The following LCMT2 variants were observed in gnomAD, a reference collection of about 807,000 sequenced individuals.
LCMT2 encodes tRNA wybutosine-synthesizing protein 4.
LCMT2 carries 34 observed loss-of-function variants against 42.0 expected under a neutral mutation model. The ratio of observed to expected loss-of-function variants is 0.81; its 90% CI spans 0.62 to 1.08. The LOEUF is 1.08. Ranked by LOEUF, LCMT2 falls within the 50% of genes least tolerant of loss-of-function variation. The pLI is 0.00. For missense variants in LCMT2, 1,091 were observed against 889.4 expected, an observed-to-expected ratio of 1.23 and a Z score of -2.88; for synonymous variants, 445 against 369.5, an observed-to-expected ratio of 1.20 and a Z score of -2.34.
chr15:43,330,326 C>T lies in LCMT2; in HGVS notation c.164G>A (p.Gly55Asp). The change falls in exon 1 of 1, where the codon GGC (glycine) becomes GAC (aspartate). Residue 55 changes from glycine (G) to aspartate (D), a missense_variant. By Grantham distance (94) the Gly-to-Asp change is moderately conservative. Transcript: ENST00000305641. ...CACGGCGCGTGCGCGGACGTAGTAG[C>T]CTCGGTGAATGAGCGGTGCGCGGCG... Reference protein sequence around the residue: ...AARRAPLIHRGYYVRARAVRH... With the variant: ...AARRAPLIHRDYYVRARAVRH... 6.2e-7 allele frequency: 1 copy of T among 1,602,614 alleles called. No individual in the cohort carries two copies.
Position 43,330,502 on chromosome 15 carries a change from C to T in LCMT2, c.-13G>A. On this transcript the variant is annotated 5_prime_UTR_variant, in exon 1 of 1. Transcript: ENST00000305641. ...TCCGGGGGCCCATGGCCAGAAGAGA[C>T]TCAGGAATGGCAGTCTGTCACGGTT... 6.6e-7 allele frequency: 1 copy of T among 1,513,762 alleles called. No homozygotes were observed. Among genetic ancestry groups the T allele is most frequent in the Admixed American group, 2.4e-5 (1 of 42,390 alleles). 93.8% of individuals were successfully genotyped at this position (1,513,762 alleles called of 1,614,324 possible).
rs779338392 is a variant in LCMT2, at chr15:43,329,418, A to C, written c.1072T>G (p.Tyr358Asp). The change falls in exon 1 of 1, where the codon TAT becomes GAT. Residue 358 changes from tyrosine (Y) to aspartate (D), a missense_variant. Coordinates refer to ENST00000305641, the MANE Select transcript of LCMT2 (RefSeq NM_014793.5). ...CTCAAGAAGACAGAGGCGTGGCCAT[A>C]TCTCTTCAGGTTTGGGACCTGGCCC... ...SEGQVPNLKR[Y>D]GHASVFLSPD... 17 of 1,613,992 alleles carry C rather than the reference A, an allele frequency of 1.1e-5. No individual in the cohort carries two copies. The highest frequency in any genetic ancestry group is 1.7e-5 in the Admixed American group (1 of 60,012).
At position 43,327,835 on chromosome 15, in the gene LCMT2, T is replaced by C. The variant is rs952460708; in HGVS notation, c.*594A>G. The stretch of plus-strand genomic sequence containing the variant: ...TAAATCTAAATAAATATGGAACCAA[T>C]AGCAAAACATTTAAAAAGTATGTTG... On this transcript the variant is annotated 3_prime_UTR_variant, in exon 1 of 1. Coordinates refer to ENST00000305641, the MANE Select transcript of LCMT2 (RefSeq NM_014793.5). The C allele has an allele frequency of 1.3e-5, 2 of 153,254 alleles. No homozygotes were observed. The highest frequency in any genetic ancestry group is 4.8e-5 in the African/African-American group (2 of 41,444). The allele number at this position is 153,254 out of a possible 1,614,324, so 9.5% of individuals were successfully genotyped here. A position where few individuals can be genotyped will look rare whatever the true frequency, so the allele number is the denominator to read the frequency against.
rs556701152 is a variant in LCMT2, at chr15:43,328,889, C to T, written c.1601G>A (p.Arg534Gln). Reference protein sequence around the residue: ...IPVEGEVPEARHSHSACTWQG... With the variant: ...IPVEGEVPEAQHSHSACTWQG... Reference sequence around the variant, plus strand: ...CCAAGTGCAGGCACTGTGAGAATGCCGGGCTTCAGGTACTTCTCCCTCCAC... The same window carrying T: ...CCAAGTGCAGGCACTGTGAGAATGCTGGGCTTCAGGTACTTCTCCCTCCAC... Residue 534 changes from arginine (R) to glutamine (Q), a missense_variant, in exon 1 of 1, where the codon CGG (arginine) becomes CAG (glutamine). By Grantham distance (43) the Arg-to-Gln change is conservative (BLOSUM62 1). Coordinates refer to ENST00000305641, the MANE Select transcript of LCMT2 (RefSeq NM_014793.5). 7 of 1,613,908 alleles carry T rather than the reference C, an allele frequency of 4.3e-6. No homozygotes were observed. The highest frequency in any genetic ancestry group is 1.3e-5 in the African/African-American group (1 of 75,024).
chr15:43,323,786 C>A lies in LCMT2; in HGVS notation c.*4643G>T, dbSNP rs1241867702. On this transcript the variant is annotated 3_prime_UTR_variant, in exon 1 of 1. Transcript: ENST00000305641. ...GGTTCTTTAAAATTTTAATGCTTAC[C>A]TCCCCCTGACACACACACATACACA... The A allele has an allele frequency of 6.6e-6, 1 of 152,132 alleles. No homozygotes were observed. The highest frequency in any genetic ancestry group is 1.5e-5 in the Non-Finnish European group (1 of 68,020). 9.4% of individuals were successfully genotyped at this position (152,132 alleles called of 1,614,324 possible).
Position 43,328,926 on chromosome 15 carries a change from C to T in LCMT2, c.1564G>A (p.Val522Ile). ...ACTTCTCCCTCCACTGGGATCCTGACCCAAGCCATTGTCCCTACATGGAGG... is the reference window on the plus strand; with the variant it reads ...ACTTCTCCCTCCACTGGGATCCTGATCCAAGCCATTGTCCCTACATGGAGG... ...HFLHVGTMAW[V>I]RIPVEGEVPE... is the part of the protein sequence containing the mutation. Residue 522 changes from valine to isoleucine, a missense_variant, in exon 1 of 1, where the codon GTC becomes ATC. Val to Ile is a conservative substitution (Grantham distance 29). Coordinates refer to ENST00000305641, the MANE Select transcript of LCMT2 (RefSeq NM_014793.5). The T allele has an allele frequency of 1.9e-6, 3 of 1,614,130 alleles. No homozygotes were observed. The highest frequency in any genetic ancestry group is 1.1e-5 in the South Asian group (1 of 91,078).
rs778247835 is a variant in LCMT2, at chr15:43,329,330, C to G, written c.1160G>C (p.Ser387Thr). ...ATCTCTTGAGAGCAAGTGAAACTGGCTCACTCGGCAGTGCCGCCCCTCCTG... is the reference window on the plus strand; with the variant it reads ...ATCTCTTGAGAGCAAGTGAAACTGGGTCACTCGGCAGTGCCGCCCCTCCTG... ...GEQEGRHCRVSQFHLLSRDCD... is the reference protein window; with the variant it reads ...GEQEGRHCRVTQFHLLSRDCD... Residue 387 changes from serine to threonine, a missense_variant, in exon 1 of 1, where the codon AGC becomes ACC. Physicochemically the swap from Ser to Thr is moderately conservative, Grantham distance 58. Transcript: ENST00000305641. 6.2e-7 allele frequency: 1 copy of G among 1,614,128 alleles called. No homozygotes were observed. Among genetic ancestry groups the G allele is most frequent in the East Asian group, 2.2e-5 (1 of 44,878 alleles).
At position 43,329,208 on chromosome 15, in the gene LCMT2, T is replaced by C. The variant is rs201528347; in HGVS notation, c.1282A>G (p.Ser428Gly). The C allele has an allele frequency of 2.9e-5, 46 of 1,613,954 alleles. No homozygotes were observed. In the African/African-American group the frequency reaches 5.9e-4, roughly 21 times the overall value. ...CTCCCTCCCAGAACCAGAACCCGAC[T>C]CTCTGAGAGTCTTGTCATGGTGTGA... ...LYHTMTRLSESRVLVLGGRLS... is the reference protein window; with the variant it reads ...LYHTMTRLSEGRVLVLGGRLS... The change falls in exon 1 of 1, where the codon AGT becomes GGT. Residue 428 changes from serine to glycine, a missense_variant. Transcript: ENST00000305641.
At position 43,329,079 on chromosome 15, in the gene LCMT2, G is replaced by A. The variant is rs1424900273; in HGVS notation, c.1411C>T (p.Arg471Ter). The A allele has an allele frequency of 1.2e-6, 2 of 1,613,864 alleles. No individual in the cohort carries two copies. The highest frequency in any genetic ancestry group is 2.2e-5 in the East Asian group (1 of 44,904). ...CAACACAAAGTGGAATCATCCTTTC[G>A]GCCAGCCTTTGTTATTGTCACTTTC... ...DLKVTITKAG[R>*]KDDSTLCCWR... is the part of the protein sequence containing the mutation. Residue 471 changes from arginine to a stop codon, truncating the protein, a stop_gained, in exon 1 of 1, where the codon CGA (arginine) becomes TGA (stop). Transcript: ENST00000305641. LOFTEE classifies it high-confidence loss of function.
In LCMT2 at chr15:43,328,391, T is replaced by C. The variant is rs2043129814; in HGVS notation, c.*38A>G. The C allele has an allele frequency of 1.3e-6, 2 of 1,569,052 alleles. No individual in the cohort carries two copies. The highest frequency in any genetic ancestry group is 1.2e-5 in the South Asian group (1 of 83,084). On this transcript the variant is annotated 3_prime_UTR_variant, in exon 1 of 1. Transcript: ENST00000305641. Reference sequence around the variant, plus strand: ...GTCATCCTATTTGTGGAAAACTTTATTGTCTACTTTAGTGGGTCCTGAATA... The same window carrying C: ...GTCATCCTATTTGTGGAAAACTTTACTGTCTACTTTAGTGGGTCCTGAATA...
At position 43,328,839 on chromosome 15, in the gene LCMT2, C is replaced by A; in HGVS notation, c.1651G>T (p.Gly551Cys). The change falls in exon 1 of 1, where the codon GGT (glycine) becomes TGT (cysteine). Residue 551 changes from glycine to cysteine, a missense_variant. By Grantham distance (159) the Gly-to-Cys change is radical. Transcript: ENST00000305641. ...TWQGGALIAG[G>C]LGASEEPLNS... is the part of the protein sequence containing the mutation. ...AATGGCTCCTCAGAAGCCCCGAGAC[C>A]TCCAGCAATAAGGGCTCCCCCTTGC... The A allele has an allele frequency of 1.2e-6, 2 of 1,613,694 alleles. No homozygotes were observed. Among genetic ancestry groups the A allele is most frequent in the East Asian group, 2.2e-5 (1 of 44,882 alleles).
chr15:43,329,230 G>A lies in LCMT2; in HGVS notation c.1260C>T (p.His420=). ...TGVQWDGRLY[H]TMTRLSESRV... is the part of the protein sequence containing the mutation. Reference sequence around the variant, plus strand: ...GACTCTCTGAGAGTCTTGTCATGGTGTGATAAAGGCGTCCATCCCACTGAA... The same window carrying A: ...GACTCTCTGAGAGTCTTGTCATGGTATGATAAAGGCGTCCATCCCACTGAA... Residue 420 remains histidine (H), a synonymous_variant, in exon 1 of 1, where the codon CAC becomes CAT. Coordinates refer to ENST00000305641, the MANE Select transcript of LCMT2 (RefSeq NM_014793.5). 2 of 1,614,034 alleles carry A rather than the reference G, an allele frequency of 1.2e-6. No homozygotes were observed. The highest frequency in any genetic ancestry group is 2.2e-5 in the East Asian group (1 of 44,896).
Position 43,330,343 on chromosome 15 carries a change from TGCGCGGCGCGCCGCGCC to T in LCMT2, c.130_146del (p.Gly44ThrfsTer102). The T allele has an allele frequency of 6.2e-7, 1 of 1,603,106 alleles. No homozygotes were observed. Among genetic ancestry groups the T allele is most frequent in the Non-Finnish European group, 8.5e-7 (1 of 1,178,338 alleles). ...CGTAGTAGCCTCGGTGAATGAGCGG[TGCGCGGCGCGCCGCGCC>T]CGGAACCAGCAACGCGGCAAAGGGG... On this transcript the variant is annotated frameshift_variant, in exon 1 of 1. Transcript: ENST00000305641. LOFTEE classifies it low-confidence loss of function (END_TRUNC).
Position 43,330,534 on chromosome 15 carries a change from C to T in LCMT2, c.-45G>A. The T allele has an allele frequency of 6.6e-7, 1 of 1,504,962 alleles. No homozygotes were observed. The highest frequency in any genetic ancestry group is 8.8e-7 in the Non-Finnish European group (1 of 1,130,902). The allele number at this position is 1,504,962 out of a possible 1,614,324, so 93.2% of individuals were successfully genotyped here. On this transcript the variant is annotated 5_prime_UTR_variant, in exon 1 of 1. Transcript: ENST00000305641. Reference sequence around the variant, plus strand: ...ATGGCAGTCTGTCACGGTTGTGAGCCGCCCCTTGGTTAGCACACACCTCAC... The same window carrying T: ...ATGGCAGTCTGTCACGGTTGTGAGCTGCCCCTTGGTTAGCACACACCTCAC...
At position 43,330,495 on chromosome 15, in the gene LCMT2, G is replaced by A; in HGVS notation, c.-6C>T. On this transcript the variant is annotated 5_prime_UTR_variant, in exon 1 of 1. Coordinates refer to ENST00000305641, the MANE Select transcript of LCMT2 (RefSeq NM_014793.5). ...TCACGGCTCCGGGGGCCCATGGCCA[G>A]AAGAGACTCAGGAATGGCAGTCTGT... is the stretch of plus-strand genomic sequence containing the variant. The A allele has an allele frequency of 2.6e-6, 4 of 1,516,680 alleles. No homozygotes were observed. Among genetic ancestry groups the A allele is most frequent in the South Asian group, 2.7e-5 (2 of 75,122 alleles). The allele number at this position is 1,516,680 out of a possible 1,614,324, so 94.0% of individuals were successfully genotyped here. A position where few individuals can be genotyped will look rare whatever the true frequency, so the allele number is the denominator to read the frequency against.
rs768505132 is a variant in LCMT2 at position 43,330,367 on chromosome 15, C to T, written c.123G>A (p.Leu41=). 5.0e-6 allele frequency: 8 copies of T among 1,604,534 alleles called. No homozygotes were observed. Among genetic ancestry groups the T allele is most frequent in the South Asian group, 1.1e-5 (1 of 90,722 alleles). The change falls in exon 1 of 1, where the codon CTG becomes CTA. Residue 41 remains leucine (L), a synonymous_variant. Transcript: ENST00000305641. The part of the protein sequence containing the change: ...GYVQDPFAAL[L]VPGAARRAPL... Reference sequence around the variant, plus strand: ...GTGCGCGGCGCGCCGCGCCCGGAACCAGCAACGCGGCAAAGGGGTCCTGCA... The same window carrying T: ...GTGCGCGGCGCGCCGCGCCCGGAACTAGCAACGCGGCAAAGGGGTCCTGCA...
At position 43,329,647 on chromosome 15, in the gene LCMT2, T is replaced by C. The variant is rs768342479; in HGVS notation, c.843A>G (p.Ala281=). ...MNEFYHCFLP[A]EERRRVENIE... ...TATTTTCCACCCGCCGGCGTTCTTC[T>C]GCGGGAAGAAAGCAGTGATAGAATT... is the stretch of plus-strand genomic sequence containing the variant. Residue 281 remains alanine, a synonymous_variant, in exon 1 of 1, where the codon GCA becomes GCG. Coordinates refer to ENST00000305641, the MANE Select transcript of LCMT2 (RefSeq NM_014793.5). 4 of 1,613,878 alleles carry C rather than the reference T, an allele frequency of 2.5e-6. No homozygotes were observed. Among genetic ancestry groups the C allele is most frequent in the South Asian group, 1.1e-5 (1 of 91,094 alleles).
chr15:43,329,622 T>C lies in LCMT2; in HGVS notation c.868A>G (p.Ile290Val). 1.2e-6 allele frequency: 2 copies of C among 1,614,050 alleles called. No homozygotes were observed. Among genetic ancestry groups the C allele is most frequent in the Middle Eastern group, 1.6e-4 (1 of 6,062 alleles). Residue 290 changes from isoleucine (I) to valine (V), a missense_variant, in exon 1 of 1, where the codon ATT (isoleucine) becomes GTT (valine). By Grantham distance (29) the Ile-to-Val change is conservative. Transcript: ENST00000305641. ...PAEERRRVEN[I>V]EPFDEFEEWH... ...TCCTCAAATTCGTCAAAGGGTTCAA[T>C]ATTTTCCACCCGCCGGCGTTCTTCT...
chr15:43,329,900 TC>T lies in LCMT2; in HGVS notation c.589del (p.Glu197ArgfsTer25), dbSNP rs1335661404. ...AEAVLTYLEP[E>X]SAAALIAWAA... ...CCAGGCGATGAGGGCCGCGGCACTC[TC>T]CGGCTCGAGGTAGGTCAGCACCGCC... On this transcript the variant is annotated frameshift_variant, in exon 1 of 1. Coordinates refer to ENST00000305641, the MANE Select transcript of LCMT2 (RefSeq NM_014793.5). LOFTEE classifies it high-confidence loss of function. 5 of 1,612,936 alleles carry T rather than the reference TC, an allele frequency of 3.1e-6. No individual in the cohort carries two copies. Among genetic ancestry groups the T allele is most frequent in the Non-Finnish European group, 4.2e-6 (5 of 1,179,850 alleles).
Sources: gnomAD v4.1 joint callset for allele counts on GRCh38, gnomAD v4.1.1 for gene constraint, MANE v1.5 for transcripts, NCBI Gene and HGNC (gene_info 2026-07-23, HGNC 2026-07-21) for gene names.